Variants in TUT4 observed in about 807,000 individuals in gnomAD.
TUT4 encodes terminal uridylyl transferase 4.
Under a neutral mutation model 192.2 loss-of-function variants are expected in TUT4, and 36 were observed. That is an observed-to-expected ratio of 0.19 (90% confidence interval 0.14 to 0.25). The LOEUF is 0.25. TUT4 is among the 10% of genes least tolerant of loss of function. The pLI is 1.00. For synonymous variants in TUT4, 618 were observed against 666.0 expected (o/e 0.93, Z 1.11); for missense variants, 1,493 against 1,957.2 (o/e 0.76, Z 4.47).
intron 1 of TUT4, among the ~76,000 whole-genome samples, chr1:52,530,904 G>A (rs1419242875): frequency 4.6e-5 from 7 of 152,148 alleles, no homozygotes; most frequent in Non-Finnish European, 2.9e-5. Context: ...TTGGGAGGCT[G>A]AGGTAGGAGG....
chr1:52,424,204 C>T (rs569831977), intron 29 of TUT4: 3 of 546,754 alleles, frequency 5.5e-6, no homozygotes, highest in South Asian at 2.3e-5. Flanking sequence ...GGAGAGGACA[C>T]GAAAGATGGA....
intron 1 of TUT4, among the ~76,000 whole-genome samples, chr1:52,541,833 C>G (rs1175424550): frequency 6.6e-6 from 1 of 152,008 alleles, no homozygotes; most frequent in Non-Finnish European, 1.5e-5. Context: ...TAGAATGATC[C>G]AACAATTCCT....
rs748757276 is a variant in TUT4 at position 52,431,080 on chromosome 1, G to A, written c.4644C>T (p.His1548=). The A allele has an allele frequency of 1.5e-5, 24 of 1,613,972 alleles. No homozygotes were observed. Among genetic ancestry groups the A allele is most frequent in the South Asian group, 2.2e-5 (2 of 91,070 alleles). Residue 1548 remains histidine, a synonymous_variant, in exon 28 of 30, where the codon CAC becomes CAT. Coordinates refer to ENST00000257177, the MANE Select transcript of TUT4 (RefSeq NM_001009881.3). Reference sequence around the variant, plus strand: ...CCACAGTACGGGGCCAGTGTCCATCGTGAGACGTGTTAGGGATTGCCACAG... The same window carrying A: ...CCACAGTACGGGGCCAGTGTCCATCATGAGACGTGTTAGGGATTGCCACAG... ...ARPVAIPNTS[H]DGHWPRTVAP...
chr1:52,512,513 C>T (rs983364283), intron 3 of TUT4, among the ~76,000 whole-genome samples: 1 of 152,176 alleles, frequency 6.6e-6, no homozygotes, highest in Non-Finnish European at 1.5e-5. Context: ...GACCACTGTG[C>T]ACAGTCTAAT....
intron 4 of TUT4, among the ~76,000 whole-genome samples, chr1:52,504,280 C>T (rs1674923402): frequency 6.6e-6 from 1 of 152,122 alleles, no homozygotes; most frequent in Non-Finnish European, 1.5e-5. Context: ...AACTGGTCTC[C>T]CCAAACAGAC....
intron 19 of TUT4, among the ~76,000 whole-genome samples, chr1:52,459,264 C>T (rs1340947876): frequency 3.3e-5 from 5 of 150,318 alleles, no homozygotes; most frequent in African/African-American, 7.4e-5. Flanking sequence ...CCAGCCTGGG[C>T]GACAGAGCGA....
Position 52,458,337 on chromosome 1 carries a change from T to G in TUT4, c.3434A>C (p.Glu1145Ala). 6.2e-7 allele frequency: 1 copy of G among 1,611,852 alleles called. No individual in the cohort carries two copies. The highest frequency in any genetic ancestry group is 8.5e-7 in the Non-Finnish European group (1 of 1,178,584). ...TTTATAGTTTTCTTAAACACCTACC[T>G]CTTGTAGAACTGGGATAACAGGTGG... ...RKPPVIPVLQ[E>A]IFDGKQIPQR... Residue 1145 changes from glutamate (E) to alanine (A), a missense_variant and splice_region_variant, in exon 20 of 30, where the codon GAG (glutamate) becomes GCG (alanine). By Grantham distance (107) the Glu-to-Ala change is moderately radical (BLOSUM62 -1). Transcript: ENST00000257177.
chr1:52,497,251 G>C, intron 4 of TUT4, 68 bp from the exon 5 acceptor site: 1 of 1,422,240 alleles, frequency 7.0e-7, no homozygotes, highest in East Asian at 2.6e-5. Context: ...CTTATATTTA[G>C]CAGGGAAAGA....
chr1:52,531,003 CA>C (rs912270033), intron 1 of TUT4, among the ~76,000 whole-genome samples: 19 of 151,682 alleles, frequency 1.3e-4, no homozygotes, highest in African/African-American at 4.6e-4. Flanking sequence ...GAACTTGTCT[CA>C]AAAAAAGAAA....
At chr1:52,424,087 T>C in intron 29 of TUT4, 85 bp from the exon 30 acceptor site, 2 of 1,367,876 alleles carry the variant, frequency 1.5e-6, no homozygotes, top group Middle Eastern at 2.4e-4. Flanking sequence ...TAGTTAGCTT[T>C]CTTTTTTTCT....
chr1:52,535,842 G>A (rs1165294782), intron 1 of TUT4, among the ~76,000 whole-genome samples: 6 of 152,140 alleles, frequency 3.9e-5, no homozygotes, highest in Admixed American at 1.3e-4. Context: ...GAAATGAGAA[G>A]GCAATGCAGT....
chr1:52,519,073 A>C (rs1489124516), intron 2 of TUT4, among the ~76,000 whole-genome samples: 2 of 152,190 alleles, frequency 1.3e-5, no homozygotes, highest in Non-Finnish European at 2.9e-5. Context: ...CTTTTACACA[A>C]ATGTTCAGAA....
chr1:52,424,050 A>G (rs758123071), intron 29 of TUT4, 48 bp from the exon 30 acceptor site: 14 of 1,547,890 alleles, frequency 9.0e-6, no homozygotes, highest in Non-Finnish European at 1.1e-5. Context: ...GTGCCTGTTT[A>G]TCTGACAACA....
At chr1:52,497,847 C>A (rs1459858698) in intron 4 of TUT4, among the ~76,000 whole-genome samples, 3 of 152,190 alleles carry the variant, frequency 2.0e-5, no homozygotes, top group Non-Finnish European at 4.4e-5. Flanking sequence ...ATCCTACTAT[C>A]TCCTTCATTC....
chr1:52,441,277 T>A (rs1655433443), intron 24 of TUT4, among the ~76,000 whole-genome samples: 1 of 149,248 alleles, frequency 6.7e-6, no homozygotes, highest in African/African-American at 2.5e-5. Context: ...GTGCAGGGCA[T>A]ATGGCTTTTT....
intron 27 of TUT4, 112 bp from the exon 28 acceptor site, chr1:52,431,572 T>A: frequency 2.4e-6 from 2 of 818,812 alleles, no homozygotes; most frequent in Non-Finnish European, 3.4e-6. Flanking sequence ...CTATGATGTA[T>A]ATCATAACAA....
intron 28 of TUT4, among the ~76,000 whole-genome samples, chr1:52,426,316 A>G (rs1649908160): frequency 6.6e-6 from 1 of 152,186 alleles, no homozygotes; most frequent in African/African-American, 2.4e-5. Context: ...ATAGGTAGGT[A>G]CTCAAAAAAT....
chr1:52,498,446 G>A (rs780044720), intron 4 of TUT4, among the ~76,000 whole-genome samples: 32 of 151,868 alleles, frequency 2.1e-4, no homozygotes, highest in African/African-American at 3.1e-4. Context: ...GGGTTTCACC[G>A]TGTTAGCCAG....
intron 13 of TUT4, among the ~76,000 whole-genome samples, chr1:52,473,391 C>T (rs1452584601): frequency 6.6e-6 from 1 of 152,000 alleles, no homozygotes; most frequent in African/African-American, 2.4e-5. Context: ...GTATTATATT[C>T]TTAAATTTGC....
Sources: gnomAD v4.1 joint callset for allele counts (sites outside exome capture counted in the v4.1 genomes callset) on GRCh38, gnomAD v4.1.1 for gene constraint, MANE v1.5 for transcripts, NCBI Gene and HGNC (gene_info 2026-07-23, HGNC 2026-07-21) for gene names.